Variants in PTPRD observed in about 807,000 individuals in gnomAD.
PTPRD encodes the protein protein tyrosine phosphatase receptor type D, also known as receptor-type tyrosine-protein phosphatase delta.
Under a neutral mutation model 214.5 loss-of-function variants are expected in PTPRD, and 34 were observed. The ratio of observed to expected loss-of-function variants is 0.16; its 90% CI spans 0.12 to 0.21. PTPRD has a LOEUF of 0.21. PTPRD is among the 10% of genes least tolerant of loss of function. PTPRD has a pLI of 1.00. For synonymous variants in PTPRD, 1,128 were observed against 845.7 expected (o/e 1.33, Z -5.79); for missense variants, 2,545 against 2,398.7 (o/e 1.06, Z -1.27).
chr9:9,535,019 C>T (rs540711847), intron 8 of PTPRD, among the ~76,000 whole-genome samples: 9 of 151,996 alleles, frequency 5.9e-5, no homozygotes, highest in Admixed American at 2.0e-4. Context: ...AGCGAAATGT[C>T]CAAATAAAAT....
At chr9:9,681,054 T>C (rs1005185672) in intron 7 of PTPRD, among the ~76,000 whole-genome samples, 3 of 151,824 alleles carry the variant, frequency 2.0e-5, no homozygotes, top group African/African-American at 4.8e-5. Context: ...TATTGCACTT[T>C]TCAAATTTGT....
chr9:10,386,049 A>T (rs1220793099), intron 2 of PTPRD, among the ~76,000 whole-genome samples: 1 of 151,668 alleles, frequency 6.6e-6, no homozygotes, highest in African/African-American at 2.4e-5. Flanking sequence ...TACTGACCCA[A>T]TTTTTCGAAC....
intron 10 of PTPRD, among the ~76,000 whole-genome samples, chr9:9,159,503 A>G (rs1336643973): frequency 1.3e-5 from 2 of 152,154 alleles, no homozygotes; most frequent in African/African-American, 2.4e-5. Context: ...TTAATCATGG[A>G]GGTGAAAGAT....
intron 7 of PTPRD, among the ~76,000 whole-genome samples, chr9:9,631,118 C>G (rs781345434): frequency 6.6e-6 from 1 of 151,344 alleles, no homozygotes; most frequent in Non-Finnish European, 1.5e-5. Flanking sequence ...GGATTTAATC[C>G]TCAGTTCTGC....
chr9:10,279,018 C>A (rs1348244839), intron 3 of PTPRD, among the ~76,000 whole-genome samples: 1 of 152,122 alleles, frequency 6.6e-6, no homozygotes. Context: ...TCGTGATCTG[C>A]CCGCCTTGGC....
intron 9 of PTPRD, among the ~76,000 whole-genome samples, chr9:9,392,210 A>G (rs2066087156): frequency 6.6e-6 from 1 of 152,182 alleles, no homozygotes; most frequent in Non-Finnish European, 1.5e-5. Context: ...ATCTGGGCAC[A>G]TTGATGACCG....
intron 39 of PTPRD, among the ~76,000 whole-genome samples, chr9:8,359,761 T>C (rs1286242207): frequency 1.3e-5 from 2 of 152,208 alleles, no homozygotes; most frequent in Non-Finnish European, 2.9e-5. Flanking sequence ...AAATAAAATC[T>C]CTGTATTTCA....
chr9:9,612,106 G>A (rs1170472828), intron 7 of PTPRD, among the ~76,000 whole-genome samples: 4 of 151,926 alleles, frequency 2.6e-5, no homozygotes, highest in African/African-American at 9.7e-5. Context: ...GAAAATATAT[G>A]TAAATGAATA....
In PTPRD at chr9:8,493,668, A is replaced by G. The variant is rs2097195235; in HGVS notation, c.2350-689T>C. On this transcript the variant is annotated intron_variant, in intron 26 of 45. Coordinates refer to ENST00000381196, the MANE Select transcript of PTPRD (RefSeq NM_002839.4). Reference sequence around the variant, plus strand: ...TATCCACTGAGGAGAATTTTCACACACATTAAAAAGCAGCCATAAAAGCAA... The same window carrying G: ...TATCCACTGAGGAGAATTTTCACACGCATTAAAAAGCAGCCATAAAAGCAA... Among the ~76,000 whole-genome samples, 7 of 152,314 alleles carry G rather than the reference A, an allele frequency of 4.6e-5. No homozygotes were observed. In the South Asian group the frequency reaches 1.4e-3, roughly 32 times the overall value.
intron 21 of PTPRD, among the ~76,000 whole-genome samples, chr9:8,515,999 G>C (rs1022380855): frequency 4.6e-5 from 7 of 152,090 alleles, no homozygotes; most frequent in Non-Finnish European, 7.4e-5. Flanking sequence ...TCAAACCCTG[G>C]TTATGTTACT....
intron 8 of PTPRD, among the ~76,000 whole-genome samples, chr9:9,429,389 T>G (rs921811133): frequency 1.3e-5 from 2 of 152,108 alleles, no homozygotes; most frequent in Non-Finnish European, 2.9e-5. Flanking sequence ...TAGCAGGCTC[T>G]GAAATTGAGG....
intron 3 of PTPRD, among the ~76,000 whole-genome samples, chr9:10,316,797 A>G (rs1289251618): frequency 6.6e-6 from 1 of 151,954 alleles, no homozygotes; most frequent in Non-Finnish European, 1.5e-5. Context: ...CATTGCAGCC[A>G]GAATGCTTTC....
At chr9:10,271,022 G>T (rs1030742582) in intron 3 of PTPRD, among the ~76,000 whole-genome samples, 6 of 151,960 alleles carry the variant, frequency 3.9e-5, no homozygotes, top group East Asian at 1.9e-4. Context: ...ATAGGGTCTT[G>T]CTATGTTGCC....
chr9:8,523,926 C>T (rs986412655), intron 18 of PTPRD, among the ~76,000 whole-genome samples: 2 of 152,110 alleles, frequency 1.3e-5, no homozygotes, highest in Admixed American at 1.3e-4. Context: ...TTACCTCTAA[C>T]AAAAATTTCA....
chr9:8,830,633 C>T (rs543271150), intron 11 of PTPRD, among the ~76,000 whole-genome samples: 1 of 152,092 alleles, frequency 6.6e-6, no homozygotes, highest in African/African-American at 2.4e-5. Context: ...CAGTGTCCAC[C>T]CTATCATGAG....
At chr9:9,247,317 G>T (rs1383974614) in intron 9 of PTPRD, among the ~76,000 whole-genome samples, 2 of 151,940 alleles carry the variant, frequency 1.3e-5, no homozygotes, top group Non-Finnish European at 1.5e-5. Context: ...TTCCATTTGT[G>T]TCCAATCACA....
chr9:9,881,058 A>C (rs980558075), intron 5 of PTPRD, among the ~76,000 whole-genome samples: 1 of 152,170 alleles, frequency 6.6e-6, no homozygotes, highest in African/African-American at 2.4e-5. Context: ...ATGTCTGGAA[A>C]AGTCTCATTA....
At chr9:9,020,314 T>A (rs2099560750) in intron 10 of PTPRD, among the ~76,000 whole-genome samples, 1 of 152,188 alleles carries the variant, frequency 6.6e-6, no homozygotes, top group African/African-American at 2.4e-5. Context: ...GAGTTGGTAC[T>A]CTTGCGATTT....
chr9:9,664,088 T>TAAAAAAAAAAAAAAAAAAAAAAAAAAAAA (rs71319290), intron 7 of PTPRD, among the ~76,000 whole-genome samples: 2 of 114,536 alleles, frequency 1.7e-5, no homozygotes, highest in Non-Finnish European at 3.7e-5. Flanking sequence ...CACTCCTGTG[T>TAAAAAAAAAAAAAAAAAAAAAAAAAAAAA]AAAAAAAAAA....
Sources: allele counts gnomAD v4.1 joint callset (sites outside exome capture counted in the v4.1 genomes callset), GRCh38; gene constraint gnomAD v4.1.1; transcripts MANE v1.5; gene names NCBI Gene and HGNC (gene_info 2026-07-23, HGNC 2026-07-21).